Variants in GPX2 observed in about 807,000 individuals in gnomAD.
The protein encoded by GPX2 is gastrointestinal glutathione peroxidase.
A neutral mutation model predicts 14.1 loss-of-function variants in GPX2; 21 were observed. The ratio of observed to expected loss-of-function variants is 1.48; its 90% confidence interval spans 1.05 to 2.14. The LOEUF is 2.14. GPX2 is among the 30% of genes most tolerant of loss of function. GPX2 has a pLI of 0.00. For missense variants in GPX2, 241 were observed against 249.8 expected, an observed-to-expected ratio of 0.96 and a Z score of 0.24; for synonymous variants, 94 against 95.2, an observed-to-expected ratio of 0.99 and a Z score of 0.07.
chr14:64,939,967 G>GAC lies in GPX2; in HGVS notation c.223-131_223-130dup. 6.8e-7 allele frequency: 1 copy of GAC among 1,471,290 alleles called. No homozygotes were observed. The highest frequency in any genetic ancestry group is 1.4e-5 in the African/African-American group (1 of 70,870). The allele number at this position is 1,471,290 out of a possible 1,614,324, so 91.1% of individuals were successfully genotyped here. On this transcript the variant is annotated intron_variant, in intron 1 of 1. Transcript: ENST00000389614. The surrounding 1 kb of genome is among the most constrained non-coding windows in gnomAD (Gnocchi z 5.7). ...TCTTTTTCACTGTGAAAGAGAGAGA[G>GAC]ACAAGACAGACGAGGTGTTGCTCAC...
Position 64,941,262 on chromosome 14 carries a change from T to C in GPX2, c.222+1243A>G, listed in dbSNP as rs147662514. 268 of 805,602 alleles carry C rather than the reference T, an allele frequency of 3.3e-4. 1 individual carries two copies. In the African/African-American group the frequency reaches 4.9e-3, roughly 15 times the overall value. 49.9% of individuals were successfully genotyped at this position (805,602 alleles called of 1,614,324 possible). On this transcript the variant is annotated intron_variant, in intron 1 of 1. Coordinates refer to ENST00000389614, the MANE Select transcript of GPX2 (RefSeq NM_002083.4). ...TTGCAATTTTTTGTAGAAACAAGGTTTCACCATGTTGCTCAGGCTAATCTT... is the reference window on the plus strand; with the variant it reads ...TTGCAATTTTTTGTAGAAACAAGGTCTCACCATGTTGCTCAGGCTAATCTT...
In GPX2 at chr14:64,939,747, C is replaced by G; in HGVS notation, c.314G>C (p.Cys105Ser). ...YQPTFTLVQK[C>S]EVNGQNEHPV... is the part of the protein sequence containing the mutation. ...ATGCTCGTTCTGCCCATTCACCTCA[C>G]ATTTTTGGACAAGGGTGAAGGTGGG... Residue 105 changes from cysteine to serine, a missense_variant, in exon 2 of 2, where the codon TGT (cysteine) becomes TCT (serine). By Grantham distance (112) the Cys-to-Ser change is moderately radical. Coordinates refer to ENST00000389614, the MANE Select transcript of GPX2 (RefSeq NM_002083.4). This position sits in a 1 kb window ranked among gnomAD's most constrained non-coding sequence, Gnocchi z 5.7. 1 of 1,614,142 alleles carries G rather than the reference C, an allele frequency of 6.2e-7. No individual in the cohort carries two copies. The highest frequency in any genetic ancestry group is 1.1e-5 in the South Asian group (1 of 91,078).
chr14:64,941,216 G>A, intron 1 of GPX2: 1 of 345,016 alleles, frequency 2.9e-6, no homozygotes, highest in African/African-American at 2.3e-5. Context: ...ACAGGCACAT[G>A]CCACCATGCC....
intron 1 of GPX2, among the ~76,000 whole-genome samples, 173 bp downstream of exon 1, chr14:64,942,332 T>G (rs1885697936): frequency 6.6e-6 from 1 of 152,146 alleles, no homozygotes; most frequent in Non-Finnish European, 1.5e-5. Context: ...TGTTTAATCT[T>G]AAAAAATATA....
chr14:64,942,523 G>T lies in GPX2; in HGVS notation c.204C>A (p.Cys68Ter). The change falls in exon 1 of 2, where the codon TGC becomes TGA. Residue 68 changes from cysteine to a stop codon, truncating the protein, a stop_gained. Transcript: ENST00000389614. LOFTEE classifies it high-confidence loss of function. ...CCCTCACCTGATGTCCAAATTGGTT[G>T]CAAGGGAAGCCAAGGACCACCAGGC... is the stretch of plus-strand genomic sequence containing the variant. ...PRRLVVLGFP[C>*]NQFGHQENCQ... 3 of 1,614,120 alleles carry T rather than the reference G, an allele frequency of 1.9e-6. No homozygotes were observed. Among genetic ancestry groups the T allele is most frequent in the Non-Finnish European group, 2.5e-6 (3 of 1,180,002 alleles).
Position 64,939,882 on chromosome 14 carries a change from A to C in GPX2, c.223-44T>G. 6.3e-7 allele frequency: 1 copy of C among 1,592,816 alleles called. No individual in the cohort carries two copies. The highest frequency in any genetic ancestry group is 2.2e-5 in the East Asian group (1 of 44,514). On this transcript the variant is annotated intron_variant, in intron 1 of 1. Coordinates refer to ENST00000389614, the MANE Select transcript of GPX2 (RefSeq NM_002083.4). The surrounding 1 kb of genome is among the most constrained non-coding windows in gnomAD (Gnocchi z 5.7). ...AAAGTGCGTGGACAGTGGGTGGGGG[A>C]AGAGAAAGATCCACAACATGAAACT...
chr14:64,942,533 C>A lies in GPX2; in HGVS notation c.194G>T (p.Gly65Val). The change falls in exon 1 of 2, where the codon GGC (glycine) becomes GTC (valine). Residue 65 changes from glycine to valine, a missense_variant. Physicochemically the swap from Gly to Val is moderately radical, Grantham distance 109. Transcript: ENST00000389614. ...ATGTCCAAATTGGTTGCAAGGGAAG[C>A]CAAGGACCACCAGGCGCCTGGGAAA... ...CRFPRRLVVLGFPCNQFGHQE... is the reference protein window; with the variant it reads ...CRFPRRLVVLVFPCNQFGHQE... The A allele has an allele frequency of 6.2e-7, 1 of 1,614,176 alleles. No homozygotes were observed. Among genetic ancestry groups the A allele is most frequent in the Non-Finnish European group, 8.5e-7 (1 of 1,180,020 alleles).
In GPX2 at chr14:64,939,772, G is replaced by C. The variant is rs769887240; in HGVS notation, c.289C>G (p.Pro97Ala). 1.2e-6 allele frequency: 2 copies of C among 1,614,124 alleles called. No homozygotes were observed. The highest frequency in any genetic ancestry group is 1.1e-5 in the South Asian group (1 of 91,080). The change falls in exon 2 of 2, where the codon CCC (proline) becomes GCC (alanine). Residue 97 changes from proline (P) to alanine (A), a missense_variant. By Grantham distance (27) the Pro-to-Ala change is conservative (BLOSUM62 -1). Coordinates refer to ENST00000389614, the MANE Select transcript of GPX2 (RefSeq NM_002083.4). The surrounding 1 kb of genome is among the most constrained non-coding windows in gnomAD (Gnocchi z 5.7). ...KYVRPGGGYQ[P>A]TFTLVQKCEV... ...CATTTTTGGACAAGGGTGAAGGTGG[G>C]CTGGTATCCACCCCCAGGACGGACA...
At position 64,940,030 on chromosome 14, in the gene GPX2, C is replaced by A; in HGVS notation, c.223-192G>T. 1 of 1,478,806 alleles carries A rather than the reference C, an allele frequency of 6.8e-7. No homozygotes were observed. Among genetic ancestry groups the A allele is most frequent in the Non-Finnish European group, 8.9e-7 (1 of 1,121,046 alleles). 91.6% of individuals were successfully genotyped at this position (1,478,806 alleles called of 1,614,324 possible). ...CTTCTGGGCTCAAGCATTCCTCCTGCTTCAGCCTCTTTAGTAGCTGAGACT... is the reference window on the plus strand; with the variant it reads ...CTTCTGGGCTCAAGCATTCCTCCTGATTCAGCCTCTTTAGTAGCTGAGACT... On this transcript the variant is annotated intron_variant, in intron 1 of 1. Transcript: ENST00000389614. The surrounding 1 kb of genome is among the most constrained non-coding windows in gnomAD (Gnocchi z 4.5).
intron 1 of GPX2, among the ~76,000 whole-genome samples, chr14:64,942,195 T>C (rs999680750): frequency 2.6e-5 from 4 of 152,194 alleles, no homozygotes; most frequent in Non-Finnish European, 5.9e-5. Flanking sequence ...ATTCAACAAA[T>C]ATTTAATGAG....
At chr14:64,941,348 G>T (rs1386467979) in intron 1 of GPX2, 1 of 1,255,602 alleles carries the variant, frequency 8.0e-7, no homozygotes. Context: ...GATTATAGGT[G>T]TGAGCCACTG....
rs749336450 is a variant in GPX2 at position 64,939,773 on chromosome 14, C to T, written c.288G>A (p.Gln96=). Residue 96 remains glutamine (Q), a synonymous_variant, in exon 2 of 2, where the codon CAG becomes CAA. Coordinates refer to ENST00000389614, the MANE Select transcript of GPX2 (RefSeq NM_002083.4). This position sits in a 1 kb window ranked among gnomAD's most constrained non-coding sequence, Gnocchi z 5.7. ...LKYVRPGGGY[Q]PTFTLVQKCE... is the part of the protein sequence containing the mutation. ...ATTTTTGGACAAGGGTGAAGGTGGG[C>T]TGGTATCCACCCCCAGGACGGACAT... The T allele has an allele frequency of 6.2e-7, 1 of 1,614,120 alleles. No homozygotes were observed. Among genetic ancestry groups the T allele is most frequent in the South Asian group, 1.1e-5 (1 of 91,082 alleles).
Position 64,939,799 on chromosome 14 carries a change from A to T in GPX2, c.262T>A (p.Tyr88Asn). 6.2e-7 allele frequency: 1 copy of T among 1,614,178 alleles called. No homozygotes were observed. The highest frequency in any genetic ancestry group is 1.7e-5 in the Admixed American group (1 of 60,030). ...QNEEILNSLK[Y>N]VRPGGGYQPT... is the part of the protein sequence containing the mutation. ...TGGTATCCACCCCCAGGACGGACAT[A>T]CTTGAGACTGTTCAGGATCTCCTCA... Residue 88 changes from tyrosine to asparagine, a missense_variant, in exon 2 of 2, where the codon TAT (tyrosine) becomes AAT (asparagine). Physicochemically the swap from Tyr to Asn is moderately radical, Grantham distance 143 (BLOSUM62 -2). Transcript: ENST00000389614. This position sits in a 1 kb window ranked among gnomAD's most constrained non-coding sequence, Gnocchi z 5.7.
intron 1 of GPX2, among the ~76,000 whole-genome samples, chr14:64,942,017 G>A (rs1885671327): frequency 6.6e-6 from 1 of 152,194 alleles, no homozygotes; most frequent in Non-Finnish European, 1.5e-5. Flanking sequence ...TATGAGCTAA[G>A]TGGTATTATC....
In GPX2 at chr14:64,940,711, TGTGA is replaced by T. The variant is rs1594918933; in HGVS notation, c.223-877_223-874del. ...AAATAAGTGCTTGATGGCTAAAGAT[TGTGA>T]GTATGTAATTATCATTCTTTTCTTG... On this transcript the variant is annotated intron_variant, in intron 1 of 1. Coordinates refer to ENST00000389614, the MANE Select transcript of GPX2 (RefSeq NM_002083.4). The surrounding 1 kb of genome is among the most constrained non-coding windows in gnomAD (Gnocchi z 4.5). 6.6e-6 allele frequency among the ~76,000 whole-genome samples: 1 copy of T among 152,128 alleles called. No individual in the cohort carries two copies. Among genetic ancestry groups the T allele is most frequent in the Non-Finnish European group, 1.5e-5 (1 of 68,030 alleles).
rs781364096 is a variant in GPX2, at chr14:64,939,843, G to A, written c.223-5C>T. ...CTCCTCATTCTGACAGTTCTCCTAG[G>A]GGAGGAAAAAGACAAAGTGCGTGGA... On this transcript the variant is annotated splice_polypyrimidine_tract_variant and splice_region_variant and intron_variant, in intron 1 of 1. Coordinates refer to ENST00000389614, the MANE Select transcript of GPX2 (RefSeq NM_002083.4). The surrounding 1 kb of genome is among the most constrained non-coding windows in gnomAD (Gnocchi z 5.7). The A allele has an allele frequency of 6.2e-7, 1 of 1,611,992 alleles. No homozygotes were observed. The highest frequency in any genetic ancestry group is 1.1e-5 in the South Asian group (1 of 91,020).
intron 1 of GPX2, chr14:64,941,316 C>T: frequency 1.7e-6 from 2 of 1,145,152 alleles, no homozygotes; most frequent in African/African-American, 1.6e-5. Context: ...AATCTGCCTA[C>T]CTTAGCCTCC....
At chr14:64,941,632 G>T in intron 1 of GPX2, 1 of 941,778 alleles carries the variant, frequency 1.1e-6, no homozygotes, top group Non-Finnish European at 1.4e-6. Flanking sequence ...CTGCTTTCCT[G>T]TCTTCCTCAC....
chr14:64,941,602 C>T, intron 1 of GPX2: 1 of 1,172,262 alleles, frequency 8.5e-7, no homozygotes, highest in South Asian at 1.4e-5. Flanking sequence ...TTTGTCACAG[C>T]CAGTGATGCT....
Sources: gnomAD v4.1 joint callset for allele counts (sites outside exome capture counted in the v4.1 genomes callset) on GRCh38, gnomAD v4.1.1 for gene constraint, Gnocchi (gnomAD v3.1) non-coding constraint, MANE v1.5 for transcripts, NCBI Gene and HGNC (gene_info 2026-07-23, HGNC 2026-07-21) for gene names.